NDST3: variants seen among roughly 807,000 people sequenced by gnomAD.
NDST3 encodes the protein bifunctional heparan sulfate N-deacetylase/N-sulfotransferase 3.
A neutral mutation model predicts 96.1 loss-of-function variants in NDST3; 58 were observed. The ratio of observed to expected loss-of-function variants is 0.60; its 90% CI spans 0.49 to 0.75. NDST3 has a LOEUF of 0.75. NDST3 is among the 30% of genes least tolerant of loss of function. NDST3 has a pLI of 0.00. For missense variants in NDST3, 788 were observed against 1,034.2 expected (o/e 0.76, Z 3.27); for synonymous variants, 333 against 359.7 (o/e 0.93, Z 0.84).
intron 8 of NDST3, among the ~76,000 whole-genome samples, chr4:118,227,199 A>ATTG (rs1369329488): frequency 4.2e-4 from 63 of 151,598 alleles, no homozygotes; most frequent in South Asian, 2.1e-3. Flanking sequence ...CACTGTTCAA[A>ATTG]TATCCAGCAG....
intron 2 of NDST3, among the ~76,000 whole-genome samples, chr4:118,058,624 TGTGTGTGTGTGCGCGCGC>T (rs749826464): frequency 2.4e-5 from 1 of 41,234 alleles, no homozygotes; most frequent in Non-Finnish European, 1.2e-4. Flanking sequence ...TGTGTGTGTG[TGTGTGTGTGTGCGCGCGC>T]GCGCACGCAT....
chr4:118,143,223 T>C (rs1227595406), intron 5 of NDST3, among the ~76,000 whole-genome samples: 1 of 152,264 alleles, frequency 6.6e-6, no homozygotes, highest in Non-Finnish European at 1.5e-5. Flanking sequence ...TTTTTTAAAG[T>C]CTCATTTTTA....
rs1300456889 is a variant in NDST3 at position 118,054,517 on chromosome 4, C to T, written c.607C>T (p.Arg203Cys). 18 of 1,613,230 alleles carry T rather than the reference C, an allele frequency of 1.1e-5. No individual in the cohort carries two copies. Among genetic ancestry groups the T allele is most frequent in the Non-Finnish European group, 1.4e-5 (17 of 1,179,442 alleles). ...CCINPHSPLI[R>C]VTKSSKLEKG... ...TATTAATCCTCATTCTCCATTGATT[C>T]GTGTGACCAAATCTTCCAAGCTTGA... Residue 203 changes from arginine to cysteine, a missense_variant, in exon 2 of 14, where the codon CGT becomes TGT. By Grantham distance (180) the Arg-to-Cys change is radical. Around this residue, in one of 3 missense-constraint regions of NDST3, gnomAD observed 234 missense variants for 256.9 expected, o/e 0.91. Transcript: ENST00000296499.
chr4:118,197,754 GT>G lies in NDST3; in HGVS notation c.1540-26731del, dbSNP rs1323403376. Among the ~76,000 whole-genome samples, 4 of 148,122 alleles carry G rather than the reference GT, an allele frequency of 2.7e-5. No homozygotes were observed. The East Asian group carries it at 7.8e-4, about 29-fold the overall frequency. Reference sequence around the variant, plus strand: ...ATCATTGGGTCTCAGTTTTTGGGGGGTTTTTTGGTGTGTTTTGTTTTGTTTT... The same window carrying G: ...ATCATTGGGTCTCAGTTTTTGGGGGGTTTTTGGTGTGTTTTGTTTTGTTTT... On this transcript the variant is annotated intron_variant, in intron 6 of 13. Transcript: ENST00000296499.
intron 6 of NDST3, among the ~76,000 whole-genome samples, chr4:118,154,209 A>T (rs1265409841): frequency 6.6e-6 from 1 of 152,188 alleles, no homozygotes; most frequent in African/African-American, 2.4e-5. Flanking sequence ...CTATTTACTC[A>T]GTTCCAATTG....
chr4:118,083,579 T>C (rs1343593011), intron 2 of NDST3, among the ~76,000 whole-genome samples: 5 of 152,158 alleles, frequency 3.3e-5, no homozygotes, highest in African/African-American at 9.7e-5. Flanking sequence ...CAAATGTACC[T>C]TGGGAGTGCT....
intron 2 of NDST3, among the ~76,000 whole-genome samples, chr4:118,082,256 G>T (rs1475920587): frequency 1.3e-5 from 2 of 152,154 alleles, no homozygotes; most frequent in African/African-American, 2.4e-5. Context: ...TTTGCCACTT[G>T]TCAAGAGCAG....
chr4:118,151,565 C>A (rs138103374), intron 6 of NDST3, among the ~76,000 whole-genome samples: 87 of 152,034 alleles, frequency 5.7e-4, no homozygotes, highest in African/African-American at 2.0e-3. Context: ...ACTCACCATG[C>A]GCTTTAGGTA....
chr4:118,059,694 C>T (rs1466761101), intron 2 of NDST3, among the ~76,000 whole-genome samples: 1 of 152,072 alleles, frequency 6.6e-6, no homozygotes, highest in Non-Finnish European at 1.5e-5. Context: ...AAAATAACAA[C>T]ATACCAAATA....
intron 6 of NDST3, among the ~76,000 whole-genome samples, chr4:118,195,191 T>C (rs1054451480): frequency 2.0e-5 from 3 of 152,198 alleles, no homozygotes; most frequent in African/African-American, 7.2e-5. Flanking sequence ...ATCAGTGTTT[T>C]ATAGTTTTCA....
In NDST3 at chr4:118,248,810, G is replaced by T. The variant is rs917898481; in HGVS notation, c.2400-4689G>T. Among the ~76,000 whole-genome samples, 13 of 152,254 alleles carry T rather than the reference G, an allele frequency of 8.5e-5. 1 individual carries two copies. The highest frequency in any genetic ancestry group is 3.1e-4 in the African/African-American group (13 of 41,548). On this transcript the variant is annotated intron_variant, in intron 12 of 13. Transcript: ENST00000296499. The stretch of plus-strand genomic sequence containing the variant: ...CATCTTCTATTACACTTCTTCATTT[G>T]GGCTCTGAAATAGTATTACTTGTGT...
chr4:118,137,927 T>C (rs1733248361), intron 4 of NDST3, 127 bp from the exon 5 acceptor site: 1 of 825,406 alleles, frequency 1.2e-6, no homozygotes, highest in Non-Finnish European at 1.8e-6. Flanking sequence ...ATCACTTTAA[T>C]TTTACCACAC....
In NDST3 at chr4:118,226,939, T is replaced by C. The variant is rs1739921454; in HGVS notation, c.1776T>C (p.Cys592=). Residue 592 remains cysteine, a synonymous_variant, in exon 8 of 14, where the codon TGT becomes TGC. Coordinates refer to ENST00000296499, the MANE Select transcript of NDST3 (RefSeq NM_004784.3). Reference sequence around the variant, plus strand: ...ACATTTGGTCTAAAGAAAAAACTTGTGATCGCTTACCAAAATTCTTGGTAA... The same window carrying C: ...ACATTTGGTCTAAAGAAAAAACTTGCGATCGCTTACCAAAATTCTTGGTAA... ...HRDIWSKEKT[C]DRLPKFLVIG... The C allele has an allele frequency of 1.2e-6, 2 of 1,613,764 alleles. No individual in the cohort carries two copies. The highest frequency in any genetic ancestry group is 8.5e-7 in the Non-Finnish European group (1 of 1,179,888).
In NDST3 at chr4:118,053,943, T is replaced by A; in HGVS notation, c.33T>A (p.Phe11Leu). 6.2e-7 allele frequency: 1 copy of A among 1,609,986 alleles called. No individual in the cohort carries two copies. The highest frequency in any genetic ancestry group is 1.1e-5 in the South Asian group (1 of 90,618). The change falls in exon 2 of 14, where the codon TTT (phenylalanine) becomes TTA (leucine). Residue 11 changes from phenylalanine to leucine, a missense_variant. Transcript: ENST00000296499. ...TTATCATGAAGCTTCACAGACACTT[T>A]CAAAGAACAGTCATTCTGCTTGCCA... MSFIMKLHRH[F>L]QRTVILLATF... is the part of the protein sequence containing the mutation.
At chr4:118,110,891 T>A (rs1450459978) in intron 3 of NDST3, among the ~76,000 whole-genome samples, 1 of 152,016 alleles carries the variant, frequency 6.6e-6, no homozygotes, top group African/African-American at 2.4e-5. Context: ...CTATTCACAC[T>A]AGCAAAGACA....
chr4:118,200,691 C>G (rs989123782), intron 6 of NDST3, among the ~76,000 whole-genome samples: 4 of 151,972 alleles, frequency 2.6e-5, no homozygotes, highest in Non-Finnish European at 4.4e-5. Context: ...TATAAGGAGT[C>G]TTTAATTTAA....
intron 2 of NDST3, among the ~76,000 whole-genome samples, chr4:118,073,724 T>C (rs1727270720): frequency 6.6e-6 from 1 of 152,054 alleles, no homozygotes; most frequent in African/African-American, 2.4e-5. Flanking sequence ...TTTATTCAGT[T>C]CATTTTTTCA....
At chr4:118,195,259 C>T (rs539622313) in intron 6 of NDST3, among the ~76,000 whole-genome samples, 1 of 152,276 alleles carries the variant, frequency 6.6e-6, no homozygotes, top group South Asian at 2.1e-4. Flanking sequence ...TGTGTCCCTA[C>T]CCAAATCTCA....
chr4:118,134,106 A>G (rs550469264), intron 4 of NDST3, among the ~76,000 whole-genome samples: 1 of 152,362 alleles, frequency 6.6e-6, no homozygotes. Flanking sequence ...GACAGAATAA[A>G]TTACCTTCAG....
Sources: allele counts gnomAD v4.1 joint callset (sites outside exome capture counted in the v4.1 genomes callset), GRCh38; gene constraint gnomAD v4.1.1; regional missense constraint gnomAD v4.1.1; transcripts MANE v1.5; gene names NCBI Gene and HGNC (gene_info 2026-07-23, HGNC 2026-07-21).